The following FUT1 variants were observed in gnomAD, a reference collection of about 807,000 sequenced individuals.
FUT1 encodes the protein galactoside alpha-(1,2)-fucosyltransferase 1.
For synonymous variants in FUT1, 215 were observed against 208.7 expected (o/e 1.03, Z -0.26); for missense variants, 476 against 492.7 (o/e 0.97, Z 0.32).
chr19:48,750,331 C>T lies in FUT1; in HGVS notation c.951G>A (p.Leu317=). The T allele has an allele frequency of 6.2e-7, 1 of 1,614,232 alleles. No homozygotes were observed. Among genetic ancestry groups the T allele is most frequent in the South Asian group, 1.1e-5 (1 of 91,082 alleles). The change falls in exon 2 of 2, where the codon CTG becomes CTA. Residue 317 remains leucine (L), a synonymous_variant. Transcript: ENST00000645652. ...CCAGGTAGACAGTGTCTCCGCCAGC[C>T]AGGTAGGCAGCCCAGAAGCCGAAGG... ...IGTFGFWAAY[L]AGGDTVYLAN...
In FUT1 at chr19:48,750,973, G is replaced by C; in HGVS notation, c.309C>G (p.Ala103=). 1.2e-6 allele frequency: 2 copies of C among 1,601,078 alleles called. No individual in the cohort carries two copies. The highest frequency in any genetic ancestry group is 2.2e-5 in the South Asian group (2 of 89,246). The stretch of plus-strand genomic sequence containing the variant: ...TAAAGGCCCGGCGGCCGTTGAGCTG[G>C]GCCAGAGCCAGCAGCGTGGCATACT... ...MGQYATLLAL[A]QLNGRRAFIL... Residue 103 remains alanine (A), a synonymous_variant, in exon 2 of 2, where the codon GCC becomes GCG. Transcript: ENST00000645652.
Position 48,750,218 on chromosome 19 carries a change from T to G in FUT1, c.1064A>C (p.Asp355Ala), listed in dbSNP as rs542146224. 5.6e-6 allele frequency: 9 copies of G among 1,611,510 alleles called. No homozygotes were observed. Among genetic ancestry groups the G allele is most frequent in the Non-Finnish European group, 1.7e-6 (2 of 1,178,908 alleles). Residue 355 changes from aspartate (D) to alanine (A), a missense_variant, in exon 2 of 2, where the codon GAC becomes GCC. Transcript: ENST00000645652. ...AGCCAATGTCCAGAGTGGAGACAAG[T>G]CTGCATTAATGCCCACCCACTCGGG... ...FLPEWVGINA[D>A]LSPLWTLAKP
rs4021 is a variant in FUT1, at chr19:48,750,004, A to G, written c.*180T>C. ...AAAGATGTTTTGCTAGTTCTAGAAT[A>G]TTCAGACAGTTCCAGAAACGTCCCC... On this transcript the variant is annotated 3_prime_UTR_variant, in exon 2 of 2. Transcript: ENST00000645652. 0.33 allele frequency: 245,189 copies of G among 744,150 alleles called. 43,622 individuals are homozygous for G. Among genetic ancestry groups the G allele is most frequent in the African/African-American group, 0.56 (31,824 of 56,736 alleles). 46.1% of individuals were successfully genotyped at this position (744,150 alleles called of 1,614,324 possible). A position where few individuals can be genotyped will look rare whatever the true frequency, so the allele number is the denominator to read the frequency against.
chr19:48,754,146 A>G (rs978889725), upstream of FUT1, among the ~76,000 whole-genome samples: 1 of 149,298 alleles, frequency 6.7e-6, no homozygotes, highest in Non-Finnish European at 1.5e-5. Flanking sequence ...AGATCACGCC[A>G]CTGCACTCCA....
At chr19:48,754,225 G>A (rs866804530), upstream of FUT1, among the ~76,000 whole-genome samples, 3 of 150,624 alleles carry the variant, frequency 2.0e-5, no homozygotes, top group African/African-American at 7.3e-5. Flanking sequence ...TTCTTCTACC[G>A]CTATCTACTA....
upstream of FUT1, chr19:48,752,841 C>G: frequency 1.0e-6 from 1 of 985,538 alleles, no homozygotes; most frequent in Non-Finnish European, 1.2e-6. The surrounding 1 kb of genome is among the most constrained non-coding windows in gnomAD (Gnocchi z 4.3). Flanking sequence ...CGCGCCCTGC[C>G]CCTCCGCCCC....
chr19:48,751,931 A>G (rs1249251491), intron 1 of FUT1, among the ~76,000 whole-genome samples: 2 of 151,622 alleles, frequency 1.3e-5, no homozygotes, highest in East Asian at 3.9e-4. Flanking sequence ...AGCCTGGGCA[A>G]CAAGAGTGAA....
Position 48,749,913 on chromosome 19 carries a change from G to A in FUT1, c.*271C>T. 3.9e-6 allele frequency: 2 copies of A among 508,126 alleles called. No individual in the cohort carries two copies. The highest frequency in any genetic ancestry group is 4.2e-5 in the South Asian group (2 of 48,086). 31.5% of individuals were successfully genotyped at this position (508,126 alleles called of 1,614,324 possible). A position where few individuals can be genotyped will look rare whatever the true frequency, so the allele number is the denominator to read the frequency against. ...CTGGGGGCAGCCATCTGGAAGTACT[G>A]TAGATATGGGCTGGGAAGAGCAGGT... On this transcript the variant is annotated 3_prime_UTR_variant, in exon 2 of 2. Transcript: ENST00000645652.
Position 48,750,717 on chromosome 19 carries a change from C to A in FUT1, c.565G>T (p.Asp189Tyr), listed in dbSNP as rs182456777. The stretch of plus-strand genomic sequence containing the variant: ...CTCTGCGCCTCTTCCCGAAGGTGGT[C>A]GTGCAGGGTGAACTCTCTGCGGATC... The part of the protein sequence containing the change: ...EQIRREFTLH[D>Y]HLREEAQSVL... The change falls in exon 2 of 2, where the codon GAC becomes TAC. Residue 189 changes from aspartate (D) to tyrosine (Y), a missense_variant. Coordinates refer to ENST00000645652, the MANE Select transcript of FUT1 (RefSeq NM_001384359.1). The A allele has an allele frequency of 6.8e-6, 11 of 1,613,536 alleles. No homozygotes were observed. Among genetic ancestry groups the A allele is most frequent in the Non-Finnish European group, 9.3e-6 (11 of 1,179,980 alleles).
Position 48,750,568 on chromosome 19 carries a change from G to C in FUT1, c.714C>G (p.Asp238Glu). ...MPQRWKGVVG[D>E]SAYLRQAMDW... ...CCATGGCCTGCCGGAGGTAGGCGCTGTCGCCCACCACACCCTTCCAGCGCT... is the reference window on the plus strand; with the variant it reads ...CCATGGCCTGCCGGAGGTAGGCGCTCTCGCCCACCACACCCTTCCAGCGCT... The change falls in exon 2 of 2, where the codon GAC becomes GAG. Residue 238 changes from aspartate (D) to glutamate (E), a missense_variant. Physicochemically the swap from Asp to Glu is conservative, Grantham distance 45. Transcript: ENST00000645652. The C allele has an allele frequency of 6.2e-7, 1 of 1,611,882 alleles. No homozygotes were observed. Among genetic ancestry groups the C allele is most frequent in the Non-Finnish European group, 8.5e-7 (1 of 1,180,014 alleles).
upstream of FUT1, chr19:48,752,684 C>T (rs2034022719): frequency 1.0e-6 from 1 of 985,412 alleles, no homozygotes; most frequent in Non-Finnish European, 1.2e-6. The surrounding 1 kb of genome is among the most constrained non-coding windows in gnomAD (Gnocchi z 4.3). Context: ...AGGGCGCGGC[C>T]GGGAGTCTCG....
At chr19:48,753,959 C>A (rs186249139), upstream of FUT1, among the ~76,000 whole-genome samples, 1,746 of 152,112 alleles carry the variant, frequency 0.011, 44 homozygotes, top group African/African-American at 0.041. Flanking sequence ...CTGAGGCGGG[C>A]GGATCACAAG....
upstream of FUT1, among the ~76,000 whole-genome samples, chr19:48,754,121 G>C (rs2034049837): frequency 6.7e-6 from 1 of 148,574 alleles, no homozygotes; most frequent in South Asian, 2.1e-4. Context: ...AGGAGGCGGA[G>C]ATTGCAGTGA....
At chr19:48,751,808 G>C (rs1052732908) in intron 1 of FUT1, among the ~76,000 whole-genome samples, 1 of 152,090 alleles carries the variant, frequency 6.6e-6, no homozygotes. Context: ...AAAATTAGCC[G>C]GGCATGGTGG....
In FUT1 at chr19:48,751,093, G is replaced by A. The variant is rs749977310; in HGVS notation, c.189C>T (p.Gly63=). ...AIFCLPGTAM[G]PNASSSCPQH... is the part of the protein sequence containing the mutation. ...GGGGACAGGAAGAGGAGGCGTTGGG[G>A]CCCATCGCAGTACCCGGCAGGCAGA... is the stretch of plus-strand genomic sequence containing the variant. Residue 63 remains glycine (G), a synonymous_variant, in exon 2 of 2, where the codon GGC becomes GGT. Transcript: ENST00000645652. 6.2e-7 allele frequency: 1 copy of A among 1,612,274 alleles called. No homozygotes were observed. The highest frequency in any genetic ancestry group is 1.1e-5 in the South Asian group (1 of 91,030).
At position 48,750,498 on chromosome 19, in the gene FUT1, T is replaced by C. The variant is rs781314062; in HGVS notation, c.784A>G (p.Ser262Gly). The change falls in exon 2 of 2, where the codon AGC becomes GGC. Residue 262 changes from serine (S) to glycine (G), a missense_variant. Transcript: ENST00000645652. ...TCTTTACACCACTCCATGCCGTTGC[T>C]GGTGACCACGAAAACGGGGGCTTCG... ...RHEAPVFVVT[S>G]NGMEWCKENI... 1 of 1,614,112 alleles carries C rather than the reference T, an allele frequency of 6.2e-7. No individual in the cohort carries two copies. Among genetic ancestry groups the C allele is most frequent in the Middle Eastern group, 1.6e-4 (1 of 6,062 alleles).
rs2033934595 is a variant in FUT1 at position 48,748,144 on chromosome 19, G to A, written c.*2040C>T. 1 of 152,302 alleles carries A rather than the reference G, an allele frequency of 6.6e-6. No individual in the cohort carries two copies. The highest frequency in any genetic ancestry group is 1.5e-5 in the Non-Finnish European group (1 of 68,058). The allele number at this position is 152,302 out of a possible 1,614,324, so 9.4% of individuals were successfully genotyped here. On this transcript the variant is annotated 3_prime_UTR_variant, in exon 2 of 2. Transcript: ENST00000645652. ...GCATGGGGTCTGGATGAGTAGACAG[G>A]GGATGTGATCAGAGCTGACTATGTT...
Position 48,750,233 on chromosome 19 carries a change from A to G in FUT1, c.1049T>C (p.Val350Ala). The change falls in exon 2 of 2, where the codon GTG (valine) becomes GCG (alanine). Residue 350 changes from valine (V) to alanine (A), a missense_variant. Transcript: ENST00000645652. ...TGGAGACAAGTCTGCATTAATGCCC[A>G]CCCACTCGGGCAGGAAGGCCGCCTC... is the stretch of plus-strand genomic sequence containing the variant. ...KPEAAFLPEW[V>A]GINADLSPLW... 2 of 1,612,894 alleles carry G rather than the reference A, an allele frequency of 1.2e-6. No individual in the cohort carries two copies. Among genetic ancestry groups the G allele is most frequent in the Non-Finnish European group, 1.7e-6 (2 of 1,179,484 alleles).
chr19:48,751,525 T>TGGTTTG (rs1010631822), intron 1 of FUT1, among the ~76,000 whole-genome samples: 16 of 152,174 alleles, frequency 1.1e-4, no homozygotes, highest in African/African-American at 3.6e-4. Flanking sequence ...AAGATAGCCA[T>TGGTTTG]GGTTTGGCTG....
Sources: gnomAD v4.1 joint callset for allele counts (sites outside exome capture counted in the v4.1 genomes callset) on GRCh38, gnomAD v4.1.1 for gene constraint, Gnocchi (gnomAD v3.1) non-coding constraint, MANE v1.5 for transcripts, NCBI Gene and HGNC (gene_info 2026-07-23, HGNC 2026-07-21) for gene names.